TLN2: variants seen among roughly 807,000 people sequenced by gnomAD.
The protein encoded by TLN2 is talin-2.
In TLN2, 118 loss-of-function variants were observed where a neutral mutation model predicts 294.7. That is an observed-to-expected ratio of 0.40 (90% CI 0.34 to 0.47). The LOEUF (loss-of-function observed/expected upper bound fraction) is 0.47. Among genes scored for constraint, TLN2 ranks in the 20% least tolerant of loss-of-function variants. TLN2 has a pLI of 0.84. For synonymous variants in TLN2, 1,431 were observed against 1,304.5 expected (o/e 1.10, Z -2.09); for missense variants, 3,083 against 3,282.2 (o/e 0.94, Z 1.48).
At chr15:62,486,142 A>G (rs1466137629) in intron 1 of TLN2, among the ~76,000 whole-genome samples, 2 of 152,200 alleles carry the variant, frequency 1.3e-5, no homozygotes, top group Non-Finnish European at 2.9e-5. Flanking sequence ...TTGCACCATC[A>G]TGCCCCTTTG....
chr15:62,394,446 A>G (rs1345216105), intron 1 of TLN2, among the ~76,000 whole-genome samples: 10 of 152,256 alleles, frequency 6.6e-5, no homozygotes, highest in Admixed American at 5.9e-4. Context: ...CAGGCCTGGA[A>G]TTACAGCTTA....
chr15:62,735,587 T>G (rs2060967348), intron 28 of TLN2, among the ~76,000 whole-genome samples: 1 of 152,210 alleles, frequency 6.6e-6, no homozygotes, highest in African/African-American at 2.4e-5. Context: ...CTACCTGGTG[T>G]TGGCTAGGAT....
chr15:62,561,572 A>T (rs977385782), intron 1 of TLN2: 1 of 152,282 alleles, frequency 6.6e-6, no homozygotes, highest in Non-Finnish European at 1.5e-5. Flanking sequence ...AAGCTAGTGC[A>T]GGAGCCTGAC....
At chr15:62,650,545 T>C (rs988962092) in intron 5 of TLN2, among the ~76,000 whole-genome samples, 1 of 152,172 alleles carries the variant, frequency 6.6e-6, no homozygotes, top group African/African-American at 2.4e-5. Context: ...ACCCTAATGG[T>C]AGTTAGAGAC....
At chr15:62,635,119 A>G (rs1448900696) in intron 3 of TLN2, among the ~76,000 whole-genome samples, 1 of 152,190 alleles carries the variant, frequency 6.6e-6, no homozygotes, top group African/African-American at 2.4e-5. Context: ...TTGTTAATGC[A>G]TATTCATTTA....
Position 62,719,819 on chromosome 15 carries a change from C to G in TLN2, c.2930C>G (p.Ala977Gly), listed in dbSNP as rs1373468490. ...GTCCAGGGAGTGAGGGGGAGCCAAG[C>G]TCAAGCTGAAGACCTGAGTGCCCAG... is the stretch of plus-strand genomic sequence containing the variant. Reference protein sequence around the residue: ...QLVQGVRGSQAQAEDLSAQLA... With the variant: ...QLVQGVRGSQGQAEDLSAQLA... Residue 977 changes from alanine to glycine, a missense_variant, in exon 25 of 59, where the codon GCT becomes GGT. By Grantham distance (60) the Ala-to-Gly change is moderately conservative. Coordinates refer to ENST00000636159, the MANE Select transcript of TLN2 (RefSeq NM_015059.3). 1 of 1,612,408 alleles carries G rather than the reference C, an allele frequency of 6.2e-7. No individual in the cohort carries two copies. The highest frequency in any genetic ancestry group is 1.7e-5 in the Admixed American group (1 of 59,906).
At chr15:62,722,235 T>C in intron 25 of TLN2, 118 bp from the exon 26 acceptor site, 1 of 1,207,388 alleles carries the variant, frequency 8.3e-7, no homozygotes. Flanking sequence ...TTGTTTAATA[T>C]TCCTTTTTTT....
chr15:62,557,155 C>T (rs538673189), intron 1 of TLN2, among the ~76,000 whole-genome samples: 60 of 152,284 alleles, frequency 3.9e-4, no homozygotes, highest in African/African-American at 1.3e-3. Context: ...TATTTTTCTT[C>T]AAGGAGGATG....
At chr15:62,838,435 C>G (rs1461104574) in intron 57 of TLN2, among the ~76,000 whole-genome samples, 1 of 152,204 alleles carries the variant, frequency 6.6e-6, no homozygotes, top group African/African-American at 2.4e-5. Context: ...CTAAGGGAGA[C>G]AAGCGAAAGT....
chr15:62,511,335 C>A (rs2039923068), intron 1 of TLN2, among the ~76,000 whole-genome samples: 1 of 152,298 alleles, frequency 6.6e-6, no homozygotes, highest in South Asian at 2.1e-4. Flanking sequence ...CATGAAAATT[C>A]AACACCTGTC....
chr15:62,801,455 T>G (rs1320039483), intron 50 of TLN2, among the ~76,000 whole-genome samples: 1 of 152,252 alleles, frequency 6.6e-6, no homozygotes, highest in South Asian at 2.1e-4. Flanking sequence ...AGATTTCTTT[T>G]TGATAGGAGG....
At chr15:62,648,284 C>T (rs999185957) in intron 4 of TLN2, among the ~76,000 whole-genome samples, 5 of 151,226 alleles carry the variant, frequency 3.3e-5, no homozygotes, top group Non-Finnish European at 5.9e-5. Flanking sequence ...AGCTGAGTGT[C>T]GTGGTATGTG....
chr15:62,613,656 C>T (rs907660800), intron 2 of TLN2, among the ~76,000 whole-genome samples: 1 of 152,160 alleles, frequency 6.6e-6, no homozygotes, highest in Non-Finnish European at 1.5e-5. Flanking sequence ...GATACATGCA[C>T]TCTTTACCGT....
chr15:62,670,661 C>T (rs2055288282), intron 9 of TLN2, among the ~76,000 whole-genome samples: 1 of 152,152 alleles, frequency 6.6e-6, no homozygotes, highest in African/African-American at 2.4e-5. Context: ...TCCTTTAGAT[C>T]CAAATGATGT....
rs769525200 is a variant in TLN2, at chr15:62,697,779, G to A, written c.1384G>A (p.Gly462Arg). 1.4e-5 allele frequency: 23 copies of A among 1,612,838 alleles called. No individual in the cohort carries two copies. In the South Asian group the frequency reaches 1.5e-4, roughly 11 times the overall value. ...LPAVMRSGSSGPETFNVGSMP... is the reference protein window; with the variant it reads ...LPAVMRSGSSRPETFNVGSMP... The stretch of plus-strand genomic sequence containing the variant: ...GGCCGTGATGCGCTCGGGCTCCAGC[G>A]GGCCTGAGACCTTCAACGTTGGCAG... The change falls in exon 15 of 59, where the codon GGG becomes AGG. Residue 462 changes from glycine to arginine, a missense_variant. Transcript: ENST00000636159.
At chr15:62,615,194 C>T (rs2048217531) in intron 2 of TLN2, among the ~76,000 whole-genome samples, 1 of 152,206 alleles carries the variant, frequency 6.6e-6, no homozygotes, top group South Asian at 2.1e-4. Flanking sequence ...TAAAAAAATT[C>T]TCTCAATCTA....
rs185175326 is a variant in TLN2 at position 62,622,857 on chromosome 15, G to C, written c.-37+4382G>C. On this transcript the variant is annotated intron_variant, in intron 3 of 58. Transcript: ENST00000636159. ...TAAGATGGAGTTTGGGTTTCTCTTG[G>C]GCCAGTTCTGTATCTGTAATAACAC... is the stretch of plus-strand genomic sequence containing the variant. 2.4e-3 allele frequency among the ~76,000 whole-genome samples: 372 copies of C among 152,190 alleles called. 2 individuals carry two copies. The highest frequency in any genetic ancestry group is 8.7e-3 in the African/African-American group (362 of 41,512).
intron 52 of TLN2, among the ~76,000 whole-genome samples, chr15:62,810,501 C>T (rs1230783895): frequency 1.3e-5 from 2 of 152,062 alleles, no homozygotes; most frequent in South Asian, 2.1e-4. Context: ...CTTCCATCCT[C>T]GAATGAATGG....
At chr15:62,749,651 T>C (rs1215951134) in intron 33 of TLN2, among the ~76,000 whole-genome samples, 3 of 152,170 alleles carry the variant, frequency 2.0e-5, no homozygotes, top group Non-Finnish European at 4.4e-5. Context: ...GACTGTCTTT[T>C]TGTTGGCTGT....
Sources: gnomAD v4.1 joint callset for allele counts (sites outside exome capture counted in the v4.1 genomes callset) on GRCh38, gnomAD v4.1.1 for gene constraint, MANE v1.5 for transcripts, NCBI Gene and HGNC (gene_info 2026-07-23, HGNC 2026-07-21) for gene names.